NSG1: variants seen among roughly 807,000 people sequenced by gnomAD.
NSG1 encodes the protein neuronal vesicle trafficking associated 1.
In NSG1, 9 loss-of-function variants were observed where a neutral mutation model predicts 19.3. The ratio of observed to expected loss-of-function variants is 0.47; its 90% CI spans 0.28 to 0.81. The LOEUF (loss-of-function observed/expected upper bound fraction) is 0.81. Among genes scored for constraint, NSG1 ranks in the 40% least tolerant of loss-of-function variants. The pLI is 0.11. For synonymous variants in NSG1, 104 were observed against 107.0 expected (o/e 0.97, Z 0.17); for missense variants, 236 against 242.4 (o/e 0.97, Z 0.18).
chr4:4,417,247 A>G lies in NSG1; in HGVS notation c.370A>G (p.Ile124Val), dbSNP rs142424223. Residue 124 changes from isoleucine to valine, a missense_variant, in exon 5 of 5, where the codon ATC becomes GTC. By Grantham distance (29) the Ile-to-Val change is conservative. Coordinates refer to ENST00000621129, the MANE Select transcript of NSG1 (RefSeq NM_014392.5). ...DGFVLKNTQC[I>V]PEGLESYYAE... ...TCTTGTCTTTCAGAACACCCAGTGC[A>G]TCCCAGAAGGCTTGGAGAGCTACTA... 11 of 1,613,944 alleles carry G rather than the reference A, an allele frequency of 6.8e-6. No homozygotes were observed. The highest frequency in any genetic ancestry group is 1.7e-5 in the Admixed American group (1 of 60,006).
intron 3 of NSG1, among the ~76,000 whole-genome samples, chr4:4,396,464 C>T (rs1723254771): frequency 6.6e-6 from 1 of 152,216 alleles, no homozygotes; most frequent in South Asian, 2.1e-4. Context: ...ACCCTGGGGC[C>T]TTGAGAGATC....
rs1577276331 is a variant in NSG1 at position 4,387,317 on chromosome 4, G to C, written c.-27+144G>C. ...CCCGGGTGCGGCGGCCCCAGGACCG[G>C]GGACCGGGTCTGGAGGTGCTGGGCA... On this transcript the variant is annotated intron_variant, in intron 1 of 4. Transcript: ENST00000621129. 4 of 323,760 alleles carry C rather than the reference G, an allele frequency of 1.2e-5. No homozygotes were observed. The South Asian group carries it at 2.0e-4, about 16-fold the overall frequency. The allele number at this position is 323,760 out of a possible 1,614,324, so 20.1% of individuals were successfully genotyped here.
intron 2 of NSG1, 53 bp from the exon 3 acceptor site, chr4:4,391,422 G>T: frequency 1.6e-6 from 2 of 1,233,622 alleles, no homozygotes; most frequent in South Asian, 1.4e-5. Context: ...CACCCTCTTT[G>T]GGCAGATATG....
intron 4 of NSG1, among the ~76,000 whole-genome samples, chr4:4,411,610 G>A (rs1163642884): frequency 1.3e-5 from 2 of 152,168 alleles, no homozygotes; most frequent in East Asian, 3.9e-4. Context: ...CAGGCATGGT[G>A]GCGGGTGCCT....
chr4:4,405,548 G>A (rs531696020), intron 3 of NSG1, among the ~76,000 whole-genome samples: 1 of 152,138 alleles, frequency 6.6e-6, no homozygotes, highest in Non-Finnish European at 1.5e-5. Flanking sequence ...CACACAGGCA[G>A]CAGCTTACAG....
chr4:4,417,119 GTATC>G (rs1724590137), intron 4 of NSG1, 112 bp from the exon 5 acceptor site: 2 of 837,928 alleles, frequency 2.4e-6, no homozygotes, highest in South Asian at 3.1e-5. Context: ...GCTCATCACT[GTATC>G]TATTCCTCCA....
At position 4,409,452 on chromosome 4, in the gene NSG1, C is replaced by T. The variant is rs935235003; in HGVS notation, c.247-121C>T. 4.5e-5 allele frequency: 33 copies of T among 735,754 alleles called. No individual in the cohort carries two copies. The South Asian group carries it at 4.6e-4, about 10-fold the overall frequency. 45.6% of individuals were successfully genotyped at this position (735,754 alleles called of 1,614,324 possible). ...ACCTCTTGTGCCTAGCTGCCCTTACCAGGTTCTTCCAGAGATAGTCTCTGC... is the reference window on the plus strand; with the variant it reads ...ACCTCTTGTGCCTAGCTGCCCTTACTAGGTTCTTCCAGAGATAGTCTCTGC... On this transcript the variant is annotated intron_variant, in intron 3 of 4. Coordinates refer to ENST00000621129, the MANE Select transcript of NSG1 (RefSeq NM_014392.5).
At chr4:4,411,742 TAAAAACAAAA>T (rs1473269075) in intron 4 of NSG1, among the ~76,000 whole-genome samples, 1 of 122,560 alleles carries the variant, frequency 8.2e-6, no homozygotes, top group Non-Finnish European at 1.6e-5. Context: ...AGACTCCGTC[TAAAAACAAAA>T]CAAAACAAAA....
intron 3 of NSG1, among the ~76,000 whole-genome samples, chr4:4,396,257 G>A (rs751828862): frequency 1.3e-5 from 2 of 151,906 alleles, no homozygotes; most frequent in African/African-American, 2.4e-5. Context: ...TTCTCCTTCC[G>A]GTCTGGAGAC....
intron 4 of NSG1, among the ~76,000 whole-genome samples, chr4:4,410,053 A>G (rs979948838): frequency 2.0e-5 from 3 of 152,186 alleles, no homozygotes; most frequent in Non-Finnish European, 4.4e-5. Flanking sequence ...AGACGGGACC[A>G]TGTCCGCCAC....
At chr4:4,412,033 C>T (rs1167489710) in intron 4 of NSG1, among the ~76,000 whole-genome samples, 4 of 152,148 alleles carry the variant, frequency 2.6e-5, no homozygotes, top group African/African-American at 2.4e-5. Context: ...CCAGCACCTC[C>T]GCAAAGTGAG....
chr4:4,392,532 A>G (rs1369760728), intron 3 of NSG1, among the ~76,000 whole-genome samples: 2 of 152,060 alleles, frequency 1.3e-5, no homozygotes, highest in Non-Finnish European at 2.9e-5. Context: ...ATGGCATCAT[A>G]TTGGATCTCT....
chr4:4,403,907 C>A lies in NSG1; in HGVS notation c.247-5666C>A, dbSNP rs982917985. Among the ~76,000 whole-genome samples, 3 of 152,162 alleles carry A rather than the reference C, an allele frequency of 2.0e-5. No individual in the cohort carries two copies. The South Asian group carries it at 6.2e-4, about 32-fold the overall frequency. ...CTGGTGGGGGGTGTAGCTCGAGAGC[C>A]CCCAGGAATTCTGCCCAGATGTGGA... On this transcript the variant is annotated intron_variant, in intron 3 of 4. Coordinates refer to ENST00000621129, the MANE Select transcript of NSG1 (RefSeq NM_014392.5).
At chr4:4,393,036 A>G (rs1263312587) in intron 3 of NSG1, among the ~76,000 whole-genome samples, 1 of 151,784 alleles carries the variant, frequency 6.6e-6, no homozygotes, top group African/African-American at 2.4e-5. Context: ...GCTGCCACTC[A>G]CCTGTCCTGC....
chr4:4,411,781 A>C (rs1560147737), intron 4 of NSG1, among the ~76,000 whole-genome samples: 3,078 of 128,994 alleles, frequency 0.024, 142 homozygotes, highest in African/African-American at 0.096. Flanking sequence ...AACAAAACAA[A>C]ACAAAACAAA....
intron 1 of NSG1, 60 bp from the exon 2 acceptor site, chr4:4,387,544 T>G: frequency 1.9e-6 from 1 of 520,914 alleles, no homozygotes; most frequent in Non-Finnish European, 3.5e-6. Flanking sequence ...GGTGCCCACT[T>G]CCCCCCCGCC....
intron 3 of NSG1, among the ~76,000 whole-genome samples, chr4:4,397,103 G>A (rs1005667005): frequency 6.6e-6 from 1 of 150,512 alleles, no homozygotes; most frequent in Non-Finnish European, 1.5e-5. Context: ...ATTTAGTGCT[G>A]TAAACGCTTG....
intron 2 of NSG1, among the ~76,000 whole-genome samples, chr4:4,391,160 T>C (rs1722969458): frequency 6.6e-6 from 1 of 152,224 alleles, no homozygotes; most frequent in African/African-American, 2.4e-5. Context: ...GAAGGAGCAC[T>C]GGGTTAGGAG....
intron 2 of NSG1, among the ~76,000 whole-genome samples, chr4:4,388,172 C>G (rs1722833542): frequency 6.6e-6 from 1 of 152,166 alleles, no homozygotes; most frequent in African/African-American, 2.4e-5. Context: ...GCCCGACTTG[C>G]CCCACCGAGG....
Sources: allele counts gnomAD v4.1 joint callset (sites outside exome capture counted in the v4.1 genomes callset), GRCh38; gene constraint gnomAD v4.1.1; transcripts MANE v1.5; gene names NCBI Gene and HGNC (gene_info 2026-07-23, HGNC 2026-07-21).